The following PDE8B variants were observed in gnomAD, a reference collection of about 807,000 sequenced individuals.
PDE8B encodes the protein high affinity cAMP-specific and IBMX-insensitive 3',5'-cyclic phosphodiesterase 8B.
In PDE8B, 26 loss-of-function variants were observed where a neutral mutation model predicts 101.3. The observed-to-expected ratio is 0.26, with a 90% CI of 0.19 to 0.36. PDE8B has a LOEUF of 0.36. Ranked by LOEUF, PDE8B falls within the 10% of genes least tolerant of loss-of-function variation. The probability of loss-of-function intolerance (pLI) is 1.00; values close to 1 mark genes in which losing one functional copy is unlikely to be tolerated. For synonymous variants in PDE8B, 424 were observed against 429.3 expected (o/e 0.99, Z 0.15); for missense variants, 810 against 1,163.1 (o/e 0.70, Z 4.42).
chr5:77,281,796 A>C (rs1257686328), intron 1 of PDE8B, among the ~76,000 whole-genome samples: 1 of 152,108 alleles, frequency 6.6e-6, no homozygotes, highest in South Asian at 2.1e-4. Context: ...TATTCAGCCT[A>C]CCACGACAAT....
intron 5 of PDE8B, among the ~76,000 whole-genome samples, chr5:77,336,254 A>G (rs1367313963): frequency 2.0e-5 from 3 of 152,196 alleles, no homozygotes; most frequent in Non-Finnish European, 2.9e-5. Context: ...CAATTCAGTG[A>G]CACTTAGCAC....
At chr5:77,426,188 A>G (rs1581664167) in intron 21 of PDE8B, 1 of 590,668 alleles carries the variant, frequency 1.7e-6, no homozygotes, top group Non-Finnish European at 3.0e-6. Flanking sequence ...GTTGGAGGAA[A>G]ACTCTAGAAA....
At chr5:77,291,057 A>G in intron 1 of PDE8B, 1 of 1,611,798 alleles carries the variant, frequency 6.2e-7, no homozygotes, top group Non-Finnish European at 8.5e-7. Flanking sequence ...GAGGTTTGGG[A>G]GAAGTTTGTT....
chr5:77,320,713 G>A (rs913361596), intron 2 of PDE8B, among the ~76,000 whole-genome samples: 10 of 152,090 alleles, frequency 6.6e-5, no homozygotes, highest in Non-Finnish European at 1.5e-4. Flanking sequence ...GCAAGCACAA[G>A]GTCAGTTAGC....
At chr5:77,105,163 C>T in the PDE8B span, 3 of 152,146 alleles carry the variant, frequency 2.0e-5, no homozygotes, top group Non-Finnish European at 2.9e-5. Context: ...AGATATACTG[C>T]AATTTATTGA....
At chr5:77,185,398 G>A in the PDE8B span, among the ~76,000 whole-genome samples, 3 of 152,064 alleles carry the variant, frequency 2.0e-5, no homozygotes, top group African/African-American at 7.2e-5. Flanking sequence ...GTCTTCATAT[G>A]GTCTTCCCTC....
At chr5:77,363,706 C>A (rs1169200124) in intron 10 of PDE8B, among the ~76,000 whole-genome samples, 1 of 141,768 alleles carries the variant, frequency 7.1e-6, no homozygotes, top group Non-Finnish European at 1.5e-5. Context: ...AGCAAGACTC[C>A]ATCGCAGAAA....
At chr5:77,355,533 G>C in intron 10 of PDE8B, among the ~76,000 whole-genome samples, 1 of 152,188 alleles carries the variant, frequency 6.6e-6, no homozygotes, top group East Asian at 1.9e-4. Context: ...GTGTGACGTG[G>C]TAAGCCAGGC....
chr5:77,296,408 T>G (rs1353402927), intron 1 of PDE8B, among the ~76,000 whole-genome samples: 1 of 151,982 alleles, frequency 6.6e-6, no homozygotes, highest in Non-Finnish European at 1.5e-5. Flanking sequence ...ACTACAGATA[T>G]ACACCACCGT....
At chr5:77,422,928 G>C (rs1017403665) in intron 20 of PDE8B, among the ~76,000 whole-genome samples, 1 of 152,180 alleles carries the variant, frequency 6.6e-6, no homozygotes, top group Non-Finnish European at 1.5e-5. Context: ...AGGGTATATT[G>C]CTGATGCTGA....
intron 1 of PDE8B, among the ~76,000 whole-genome samples, chr5:77,232,395 C>G (rs1753760881): frequency 6.6e-6 from 1 of 152,180 alleles, no homozygotes; most frequent in Non-Finnish European, 1.5e-5. Flanking sequence ...AAAAATTCCT[C>G]TTTTCTAGAT....
chr5:77,422,235 A>G (rs1232566552), intron 20 of PDE8B, among the ~76,000 whole-genome samples: 2 of 152,212 alleles, frequency 1.3e-5, no homozygotes, highest in African/African-American at 4.8e-5. Context: ...GTAACTTTTC[A>G]TCTTCAGTTT....
At chr5:77,303,653 C>T (rs1410361462) in intron 1 of PDE8B, among the ~76,000 whole-genome samples, 2 of 152,166 alleles carry the variant, frequency 1.3e-5, no homozygotes, top group African/African-American at 4.8e-5. Context: ...CTGAATTCAT[C>T]GTCCCCTCCA....
chr5:77,293,921 A>G (rs6879904), intron 1 of PDE8B, among the ~76,000 whole-genome samples: 18,470 of 152,098 alleles, frequency 0.12, 1,295 homozygotes, highest in East Asian at 0.3. Flanking sequence ...TGAGTTTTCA[A>G]TGTTCTTTGT....
chr5:77,297,445 A>G lies in PDE8B; in HGVS notation c.340-14549A>G, dbSNP rs921269694. Among the ~76,000 whole-genome samples the G allele has an allele frequency of 5.3e-5, 8 of 152,176 alleles. No homozygotes were observed. The East Asian group carries it at 7.7e-4, about 15-fold the overall frequency. ...GTCATTACACACTGGGCCCACCCCTAGAGTTTCTGATTCAATAGATCTCGG... is the reference window on the plus strand; with the variant it reads ...GTCATTACACACTGGGCCCACCCCTGGAGTTTCTGATTCAATAGATCTCGG... On this transcript the variant is annotated intron_variant, in intron 1 of 21. Coordinates refer to ENST00000264917, the MANE Select transcript of PDE8B (RefSeq NM_003719.5).
chr5:77,370,162 A>G (rs944471921), intron 10 of PDE8B, among the ~76,000 whole-genome samples: 2 of 152,196 alleles, frequency 1.3e-5, no homozygotes, highest in Non-Finnish European at 2.9e-5. Flanking sequence ...CTTACATTTT[A>G]TGTAAAATTA....
At chr5:77,328,573 G>A (rs1407456184) in intron 3 of PDE8B, among the ~76,000 whole-genome samples, 1 of 152,150 alleles carries the variant, frequency 6.6e-6, no homozygotes, top group African/African-American at 2.4e-5. Flanking sequence ...TTTATCATAA[G>A]CTCAACTTTC....
chr5:77,278,439 C>T (rs192889126), intron 1 of PDE8B, among the ~76,000 whole-genome samples: 27 of 152,254 alleles, frequency 1.8e-4, no homozygotes, highest in Admixed American at 1.0e-3. Context: ...AGATTCAGAA[C>T]AAGACTCCAT....
At position 77,417,017 on chromosome 5, in the gene PDE8B, G is replaced by A. The variant is rs186800304; in HGVS notation, c.1912-1212G>A. Among the ~76,000 whole-genome samples, 37 of 152,022 alleles carry A rather than the reference G, an allele frequency of 2.4e-4. No homozygotes were observed. In the East Asian group the frequency reaches 6.8e-3, roughly 28 times the overall value. On this transcript the variant is annotated intron_variant, in intron 17 of 21. Transcript: ENST00000264917. Reference sequence around the variant, plus strand: ...TTGCCCTCTTGCTGCTTGTTGCCTGGACAATTCCTGCTTCTCCTTCAGGCT... The same window carrying A: ...TTGCCCTCTTGCTGCTTGTTGCCTGAACAATTCCTGCTTCTCCTTCAGGCT...
Sources: allele counts gnomAD v4.1 joint callset (sites outside exome capture counted in the v4.1 genomes callset), GRCh38; gene constraint gnomAD v4.1.1; transcripts MANE v1.5; gene names NCBI Gene and HGNC (gene_info 2026-07-23, HGNC 2026-07-21).